TUFT1: variants seen among roughly 807,000 people sequenced by gnomAD.
TUFT1 encodes the protein tuftelin.
A neutral mutation model predicts 57.8 loss-of-function variants in TUFT1; 43 were observed. That is an observed-to-expected ratio of 0.74 (90% CI 0.58 to 0.96). The LOEUF is 0.96. TUFT1 is among the 40% of genes least tolerant of loss of function. The probability of loss-of-function intolerance (pLI) is 0.00; values close to 1 mark genes in which losing one functional copy is unlikely to be tolerated. For missense variants in TUFT1, 459 were observed against 489.0 expected, an observed-to-expected ratio of 0.94 and a Z score of 0.58; for synonymous variants, 166 against 176.7, an observed-to-expected ratio of 0.94 and a Z score of 0.48.
chr1:151,543,813 A>G (rs1665244398), intron 1 of TUFT1, among the ~76,000 whole-genome samples: 1 of 152,064 alleles, frequency 6.6e-6, no homozygotes, highest in South Asian at 2.1e-4. Flanking sequence ...CCCCCAGATT[A>G]CAGTGATGGA....
intron 1 of TUFT1, among the ~76,000 whole-genome samples, chr1:151,550,179 C>T (rs1665466438): frequency 6.6e-6 from 1 of 151,726 alleles, no homozygotes; most frequent in Admixed American, 6.6e-5. Context: ...TTACAGGTGC[C>T]CACCACCACA....
At chr1:151,556,049 C>T (rs1665688075) in intron 1 of TUFT1, among the ~76,000 whole-genome samples, 1 of 152,164 alleles carries the variant, frequency 6.6e-6, no homozygotes, top group African/African-American at 2.4e-5. Flanking sequence ...CAGTCCTTTT[C>T]CCATTTCTAT....
Position 151,552,904 on chromosome 1 carries a change from T to C in TUFT1, c.61-9187T>C, listed in dbSNP as rs113187269. On this transcript the variant is annotated intron_variant, in intron 1 of 12. Transcript: ENST00000368849. The stretch of plus-strand genomic sequence containing the variant: ...GTCCATTCTTAGATTTGAAAAAGTA[T>C]AGGCAGCTGTGTAGAAATATGATTG... 7.0e-3 allele frequency among the ~76,000 whole-genome samples: 1,068 copies of C among 152,212 alleles called. 16 individuals carry two copies. The highest frequency in any genetic ancestry group is 0.021 in the African/African-American group (880 of 41,528).
At chr1:151,561,151 G>A (rs375423948) in intron 1 of TUFT1, among the ~76,000 whole-genome samples, 6 of 151,792 alleles carry the variant, frequency 4.0e-5, no homozygotes, top group African/African-American at 9.7e-5. Context: ...CTGCCACCAC[G>A]CCAGGCTGAT....
rs1197391365 is a variant in TUFT1, at chr1:151,582,367, TACAG to T, written c.*665_*668del. The T allele has an allele frequency of 1.1e-5, 4 of 373,652 alleles. No homozygotes were observed. The highest frequency in any genetic ancestry group is 2.1e-5 in the African/African-American group (1 of 47,316). 23.1% of individuals were successfully genotyped at this position (373,652 alleles called of 1,614,324 possible). A position where few individuals can be genotyped will look rare whatever the true frequency, so the allele number is the denominator to read the frequency against. On this transcript the variant is annotated 3_prime_UTR_variant, in exon 13 of 13. Transcript: ENST00000368849. ...CTTTTGCGGAAAAATTCTCTAGGGC[TACAG>T]ACAGTCATGTGTGACTTCTCTCTGC...
At position 151,548,389 on chromosome 1, in the gene TUFT1, A is replaced by C. The variant is rs1482618268; in HGVS notation, c.60+7963A>C. On this transcript the variant is annotated intron_variant, in intron 1 of 12. Transcript: ENST00000368849. ...CCAATCTTGGCTCACTGCAGCCTCC[A>C]CCTCCCAGGTTCAAGTGATTCTCCT... 5.8e-5 allele frequency among the ~76,000 whole-genome samples: 8 copies of C among 137,990 alleles called. 1 individual carries two copies. The highest frequency in any genetic ancestry group is 2.2e-4 in the African/African-American group (8 of 36,706). 90.5% of individuals were successfully genotyped at this position (137,990 alleles called of 152,430 possible). A position where few individuals can be genotyped will look rare whatever the true frequency, so the allele number is the denominator to read the frequency against.
At chr1:151,576,204 A>G (rs1666458251) in intron 9 of TUFT1, among the ~76,000 whole-genome samples, 1 of 152,184 alleles carries the variant, frequency 6.6e-6, no homozygotes, top group Non-Finnish European at 1.5e-5. Flanking sequence ...TACCCCAAGC[A>G]GCATGCGCTT....
At chr1:151,549,236 TC>T (rs1665437423) in intron 1 of TUFT1, among the ~76,000 whole-genome samples, 1 of 152,160 alleles carries the variant, frequency 6.6e-6, no homozygotes, top group Admixed American at 6.5e-5. Flanking sequence ...TTTGGGGTGT[TC>T]CTAAAGCTCC....
chr1:151,546,009 T>A (rs1427862396), intron 1 of TUFT1: 1 of 218,732 alleles, frequency 4.6e-6, no homozygotes, highest in Non-Finnish European at 9.9e-6. Context: ...TTTTCTTTTT[T>A]TTTTTTTTCT....
chr1:151,557,442 C>G, intron 1 of TUFT1: 529 of 1,271,544 alleles, frequency 4.2e-4, no homozygotes, highest in East Asian at 8.9e-4. Flanking sequence ...CTACAGCCAC[C>G]GAGATGTTGA....
At chr1:151,568,909 A>T (rs1383374998) in intron 6 of TUFT1, among the ~76,000 whole-genome samples, 1 of 152,174 alleles carries the variant, frequency 6.6e-6, no homozygotes, top group Non-Finnish European at 1.5e-5. Flanking sequence ...GGCCCACAGG[A>T]CTTCACTTCT....
chr1:151,582,300 T>C lies in TUFT1; in HGVS notation c.*593T>C. On this transcript the variant is annotated 3_prime_UTR_variant, in exon 13 of 13. Transcript: ENST00000368849. Reference sequence around the variant, plus strand: ...GAACCTAAGCTTTGACTGGGTGGCCTTGTCTTTCTGGGGAGGAGGGAATGT... The same window carrying C: ...GAACCTAAGCTTTGACTGGGTGGCCCTGTCTTTCTGGGGAGGAGGGAATGT... The C allele has an allele frequency of 2.3e-6, 1 of 441,768 alleles. No individual in the cohort carries two copies. Among genetic ancestry groups the C allele is most frequent in the Admixed American group, 2.4e-5 (1 of 41,212 alleles). The allele number at this position is 441,768 out of a possible 1,614,324, so 27.4% of individuals were successfully genotyped here. A position where few individuals can be genotyped will look rare whatever the true frequency, so the allele number is the denominator to read the frequency against.
chr1:151,573,651 G>A (rs1666341870), intron 7 of TUFT1, among the ~76,000 whole-genome samples: 1 of 152,174 alleles, frequency 6.6e-6, no homozygotes, highest in Non-Finnish European at 1.5e-5. Flanking sequence ...GGCTGAGGCA[G>A]GAGAATCACT....
rs528389291 is a variant in TUFT1, at chr1:151,577,467, C to G, written c.819-1254C>G. 3.3e-5 allele frequency among the ~76,000 whole-genome samples: 5 copies of G among 152,248 alleles called. No individual in the cohort carries two copies. The South Asian group carries it at 1.0e-3, about 32-fold the overall frequency. The stretch of plus-strand genomic sequence containing the variant: ...TCTTGGAGATGCAAAGGCTCAGGAA[C>G]CAGGGAATGTGACCAAATATAACAA... On this transcript the variant is annotated intron_variant, in intron 9 of 12. Transcript: ENST00000368849.
At chr1:151,566,097 G>T in intron 5 of TUFT1, 66 bp from the exon 6 acceptor site, 1 of 1,031,972 alleles carries the variant, frequency 9.7e-7, no homozygotes, top group Non-Finnish European at 1.3e-6. Context: ...AGTGTTAGGA[G>T]AATAATGTTT....
intron 1 of TUFT1, among the ~76,000 whole-genome samples, chr1:151,544,261 G>A (rs1665261363): frequency 6.6e-6 from 1 of 151,998 alleles, no homozygotes; most frequent in Non-Finnish European, 1.5e-5. Context: ...GATTACAGGT[G>A]TGCACCACTG....
At chr1:151,551,472 A>G (rs2102523428) in intron 1 of TUFT1, among the ~76,000 whole-genome samples, 1 of 152,326 alleles carries the variant, frequency 6.6e-6, no homozygotes, top group Admixed American at 6.5e-5. Flanking sequence ...AGTGCAGGAT[A>G]TGTAGGTTGC....
At chr1:151,558,074 A>G (rs1665771552) in intron 1 of TUFT1, 1 of 324,584 alleles carries the variant, frequency 3.1e-6, no homozygotes, top group Non-Finnish European at 5.9e-6. Flanking sequence ...CTTTCTTCCC[A>G]TTATTTCAAG....
At chr1:151,570,387 T>G (rs1666219407) in intron 7 of TUFT1, among the ~76,000 whole-genome samples, 1 of 152,100 alleles carries the variant, frequency 6.6e-6, no homozygotes, top group South Asian at 2.1e-4. Flanking sequence ...ATTCAAGCAA[T>G]TCTCCTGCCT....
Sources: gnomAD v4.1 joint callset for allele counts (sites outside exome capture counted in the v4.1 genomes callset) on GRCh38, gnomAD v4.1.1 for gene constraint, MANE v1.5 for transcripts, NCBI Gene and HGNC (gene_info 2026-07-23, HGNC 2026-07-21) for gene names.